The following OTOL1 variants were observed in gnomAD, a reference collection of about 807,000 sequenced individuals.
OTOL1 encodes otolin 1.
In OTOL1, 31 loss-of-function variants were observed where a neutral mutation model predicts 25.0. The ratio of observed to expected loss-of-function variants is 1.24; its 90% CI spans 0.93 to 1.67. The LOEUF (loss-of-function observed/expected upper bound fraction) is 1.67, where lower values mean the gene tolerates loss of function less well. Among genes scored for constraint, OTOL1 ranks in the 40% most tolerant of loss-of-function variants. The pLI is 0.00. For missense variants in OTOL1, 654 were observed against 587.7 expected (o/e 1.11, Z -1.17); for synonymous variants, 225 against 210.3 (o/e 1.07, Z -0.61).
Position 161,497,078 on chromosome 3 carries a change from A to T in OTOL1, c.271A>T (p.Thr91Ser), listed in dbSNP as rs1718851772. Reference sequence around the variant, plus strand: ...CACTCTCTCTCCCTTTGAAAACTTCACTCTTGACCCAGCTGATTTCTTTTT... The same window carrying T: ...CACTCTCTCTCCCTTTGAAAACTTCTCTCTTGACCCAGCTGATTTCTTTTT... The part of the protein sequence containing the change: ...TATLSPFENF[T>S]LDPADFFLNC... Residue 91 changes from threonine (T) to serine (S), a missense_variant, in exon 1 of 4, where the codon ACT becomes TCT. By Grantham distance (58) the Thr-to-Ser change is moderately conservative. Transcript: ENST00000327928. 2 of 1,613,414 alleles carry T rather than the reference A, an allele frequency of 1.2e-6. No individual in the cohort carries two copies. Among genetic ancestry groups the T allele is most frequent in the East Asian group, 2.2e-5 (1 of 44,866 alleles).
Position 161,499,244 on chromosome 3 carries a change from C to G in OTOL1, c.438C>G (p.Gly146=). Residue 146 remains glycine, a synonymous_variant, in exon 2 of 4, where the codon GGC becomes GGG. Coordinates refer to ENST00000327928, the MANE Select transcript of OTOL1 (RefSeq NM_001080440.1). The stretch of plus-strand genomic sequence containing the variant: ...TTGTTGGGCCCCAAGGCCCTAGAGG[C>G]TACAAAGGAGAGAAAGGTAGGTAAT... ...PGVVGPQGPR[G]YKGEKGLKGE... The G allele has an allele frequency of 6.2e-7, 1 of 1,604,830 alleles. No homozygotes were observed. Among genetic ancestry groups the G allele is most frequent in the Non-Finnish European group, 8.5e-7 (1 of 1,176,762 alleles).
intron 2 of OTOL1, 147 bp from the exon 3 acceptor site, chr3:161,502,160 G>C: frequency 1.4e-6 from 1 of 712,106 alleles, no homozygotes; most frequent in Non-Finnish European, 2.4e-6. Context: ...GAGCCGCCGT[G>C]CCTGGCGTAC....
chr3:161,503,782 A>G lies in OTOL1; in HGVS notation c.1274A>G (p.Asp425Gly), dbSNP rs1278474029. 7.4e-6 allele frequency: 12 copies of G among 1,613,768 alleles called. No homozygotes were observed. The East Asian group carries it at 2.5e-4, about 33-fold the overall frequency. The change falls in exon 4 of 4, where the codon GAC (aspartate) becomes GGC (glycine). Residue 425 changes from aspartate to glycine, a missense_variant. Physicochemically the swap from Asp to Gly is moderately conservative, Grantham distance 94. Transcript: ENST00000327928. ...SRETLYGQEI[D>G]QASLLVILKL... ...GAAACTCTCTATGGTCAGGAAATAG[A>G]CCAGGCCTCTCTCCTCGTCATCTTG...
In OTOL1 at chr3:161,503,714, A is replaced by C. The variant is rs750301462; in HGVS notation, c.1206A>C (p.Arg402=). 1.2e-6 allele frequency: 2 copies of C among 1,613,646 alleles called. No individual in the cohort carries two copies. The highest frequency in any genetic ancestry group is 1.7e-6 in the Non-Finnish European group (2 of 1,179,790). Residue 402 remains arginine (R), a synonymous_variant, in exon 4 of 4, where the codon CGA becomes CGC. Transcript: ENST00000327928. ...YHITVRGRPA[R]ISLVAQNKKQ... is the part of the protein sequence containing the mutation. ...TTACGGTGAGGGGGCGACCTGCTCG[A>C]ATCAGTCTGGTGGCCCAGAATAAGA... is the stretch of plus-strand genomic sequence containing the variant.
At chr3:161,499,344 C>A in intron 2 of OTOL1, 84 bp downstream of exon 2, 1 of 945,964 alleles carries the variant, frequency 1.1e-6, no homozygotes, top group Non-Finnish European at 1.6e-6. Flanking sequence ...AGACTAGATT[C>A]TTGCAGATGA....
rs748224624 is a variant in OTOL1, at chr3:161,503,935, C to T, written c.1427C>T (p.Ser476Leu). The T allele has an allele frequency of 6.2e-7, 1 of 1,610,080 alleles. No individual in the cohort carries two copies. The highest frequency in any genetic ancestry group is 1.1e-5 in the South Asian group (1 of 90,722). ...TACCCAGAGGAAACTTCTGGAATTT[C>T]ACCATAAATTTGTGTCCTGAATCCT... ...LLYPEETSGI[S>L]P Residue 476 changes from serine to leucine, a missense_variant, in exon 4 of 4, where the codon TCA becomes TTA. Transcript: ENST00000327928.
chr3:161,503,567 T>C lies in OTOL1; in HGVS notation c.1059T>C (p.Phe353=). 1 of 1,613,848 alleles carries C rather than the reference T, an allele frequency of 6.2e-7. No homozygotes were observed. The highest frequency in any genetic ancestry group is 2.2e-5 in the East Asian group (1 of 44,838). Residue 353 remains phenylalanine, a synonymous_variant, in exon 4 of 4, where the codon TTT becomes TTC. Coordinates refer to ENST00000327928, the MANE Select transcript of OTOL1 (RefSeq NM_001080440.1). ...TCAGCGCTGGTTTGTCAAAGCCATT[T>C]CCTCCTCCTAACATCCCCATCAAAT... ...SAFSAGLSKP[F]PPPNIPIKFE...
rs768252628 is a variant in OTOL1 at position 161,503,528 on chromosome 3, G to T, written c.1020G>T (p.Val340=). ...FKGSKGELAR[V]PRSAFSAGLS... ...GCTCCAAGGGTGAGTTGGCTAGAGT[G>T]CCCCGGTCGGCTTTCAGCGCTGGTT... The change falls in exon 4 of 4, where the codon GTG becomes GTT. Residue 340 remains valine, a synonymous_variant. Coordinates refer to ENST00000327928, the MANE Select transcript of OTOL1 (RefSeq NM_001080440.1). 1.3e-5 allele frequency: 21 copies of T among 1,613,830 alleles called. No individual in the cohort carries two copies. Among genetic ancestry groups the T allele is most frequent in the Non-Finnish European group, 1.8e-5 (21 of 1,179,842 alleles).
intron 1 of OTOL1, among the ~76,000 whole-genome samples, chr3:161,497,980 A>T (rs556464485): frequency 1.3e-5 from 2 of 152,166 alleles, no homozygotes; most frequent in African/African-American, 4.8e-5. Context: ...GCAATTATAC[A>T]TCTTCACCAA....
At chr3:161,501,006 T>C (rs1269580534) in intron 2 of OTOL1, among the ~76,000 whole-genome samples, 2 of 152,164 alleles carry the variant, frequency 1.3e-5, no homozygotes, top group East Asian at 3.9e-4. Context: ...ACAATATAGG[T>C]AGCAAATTGA....
At chr3:161,502,584 C>G (rs967982999) in intron 3 of OTOL1, among the ~76,000 whole-genome samples, 8 of 152,276 alleles carry the variant, frequency 5.3e-5, no homozygotes, top group African/African-American at 1.7e-4. Flanking sequence ...CTCTCTCTAG[C>G]TGTCAATGGA....
In OTOL1 at chr3:161,496,959, C is replaced by T. The variant is rs776445708; in HGVS notation, c.152C>T (p.Pro51Leu). The T allele has an allele frequency of 1.2e-6, 2 of 1,613,542 alleles. No homozygotes were observed. Among genetic ancestry groups the T allele is most frequent in the Admixed American group, 1.7e-5 (1 of 59,890 alleles). The change falls in exon 1 of 4, where the codon CCT becomes CTT. Residue 51 changes from proline (P) to leucine (L), a missense_variant. By Grantham distance (98) the Pro-to-Leu change is moderately conservative (BLOSUM62 -3). Transcript: ENST00000327928. ...GGTCTAAAGCCATCCAGTGGCCCAC[C>T]TCCAGAAGAAGAAGAAACCCTCTTC... is the stretch of plus-strand genomic sequence containing the variant. ...PKGLKPSSGP[P>L]PEEEETLFTE...
intron 3 of OTOL1, 43 bp from the exon 4 acceptor site, chr3:161,502,983 G>A: frequency 7.8e-7 from 1 of 1,284,054 alleles, no homozygotes; most frequent in Non-Finnish European, 1.0e-6. Flanking sequence ...TGCTGTTTAT[G>A]GCCTATGTGA....
At chr3:161,501,544 A>G (rs1441765060) in intron 2 of OTOL1, among the ~76,000 whole-genome samples, 2 of 133,588 alleles carry the variant, frequency 1.5e-5, no homozygotes, top group Non-Finnish European at 3.3e-5. Context: ...TATAAAGAAC[A>G]GTTTTTTTTC....
At position 161,503,280 on chromosome 3, in the gene OTOL1, G is replaced by T; in HGVS notation, c.772G>T (p.Glu258Ter). ...GERGGKGQKG[E>*]GGMKGEKGSK... ...GAGGGGAGGAAAAGGACAGAAAGGT[G>T]AGGGGGGTATGAAAGGGGAAAAAGG... Residue 258 changes from glutamate to a stop codon, truncating the protein, a stop_gained, in exon 4 of 4, where the codon GAG (glutamate) becomes TAG (stop). Coordinates refer to ENST00000327928, the MANE Select transcript of OTOL1 (RefSeq NM_001080440.1). LOFTEE classifies it low-confidence loss of function (END_TRUNC). 1 of 1,477,086 alleles carries T rather than the reference G, an allele frequency of 6.8e-7. No homozygotes were observed. Among genetic ancestry groups the T allele is most frequent in the Non-Finnish European group, 9.0e-7 (1 of 1,113,922 alleles). 91.5% of individuals were successfully genotyped at this position (1,477,086 alleles called of 1,614,324 possible).
At chr3:161,497,200 C>T (rs1303992582) in intron 1 of OTOL1, 29 bp downstream of exon 1, 19 of 1,580,394 alleles carry the variant, frequency 1.2e-5, no homozygotes, top group Non-Finnish European at 1.6e-5. Flanking sequence ...AGTCATGTTT[C>T]TCACTTGTAC....
At chr3:161,500,534 T>C (rs1326287259) in intron 2 of OTOL1, among the ~76,000 whole-genome samples, 1 of 152,158 alleles carries the variant, frequency 6.6e-6, no homozygotes, top group Non-Finnish European at 1.5e-5. Flanking sequence ...CTTCCAGACT[T>C]AGCTTGGACT....
chr3:161,500,577 G>A (rs776916868), intron 2 of OTOL1, among the ~76,000 whole-genome samples: 1 of 152,130 alleles, frequency 6.6e-6, no homozygotes, highest in Non-Finnish European at 1.5e-5. Flanking sequence ...AAAAAAAAAT[G>A]AGTTGAATGA....
At chr3:161,499,330 T>G in intron 2 of OTOL1, 70 bp downstream of exon 2, 1 of 1,167,872 alleles carries the variant, frequency 8.6e-7, no homozygotes, top group Non-Finnish European at 1.2e-6. Flanking sequence ...AATTTGCTAC[T>G]TAAAGACTAG....
Sources: gnomAD v4.1 joint callset for allele counts (sites outside exome capture counted in the v4.1 genomes callset) on GRCh38, gnomAD v4.1.1 for gene constraint, MANE v1.5 for transcripts, NCBI Gene and HGNC (gene_info 2026-07-23, HGNC 2026-07-21) for gene names.